CFAP74: variants seen among roughly 807,000 people sequenced by gnomAD.
CFAP74 encodes the protein cilia- and flagella-associated protein 74.
CFAP74 carries 124 observed loss-of-function variants against 188.9 expected under a neutral mutation model. The ratio of observed to expected loss-of-function variants is 0.66; its 90% confidence interval spans 0.57 to 0.76. The LOEUF (loss-of-function observed/expected upper bound fraction) is 0.76. CFAP74 is among the 30% of genes least tolerant of loss of function. The pLI, the probability that CFAP74 is intolerant of heterozygous loss-of-function variation, is 0.00. For missense variants in CFAP74, 2,198 were observed against 2,165.2 expected, an observed-to-expected ratio of 1.02 and a Z score of -0.30; for synonymous variants, 956 against 916.7, an observed-to-expected ratio of 1.04 and a Z score of -0.77.
At chr1:1,986,404 T>TC (rs1349500514) in intron 5 of CFAP74, among the ~76,000 whole-genome samples, 2 of 151,974 alleles carry the variant, frequency 1.3e-5, no homozygotes, top group African/African-American at 4.8e-5. Flanking sequence ...GGCCCTCTGC[T>TC]CCCCATGGCT....
Position 1,960,710 on chromosome 1 carries a change from G to A in CFAP74, c.1695-680C>T, listed in dbSNP as rs148251817. On this transcript the variant is annotated intron_variant, in intron 14 of 38. Transcript: ENST00000682832. ...TGTCCCTGGCTGGCAACATTCCCAC[G>A]GCACCAGCAGAAGCAAACCCAAAGC... is the stretch of plus-strand genomic sequence containing the variant. Among the ~76,000 whole-genome samples, 105 of 152,312 alleles carry A rather than the reference G, an allele frequency of 6.9e-4. No individual in the cohort carries two copies. In the Middle Eastern group the frequency reaches 0.017, roughly 25 times the overall value.
chr1:1,988,842 AC>A (rs1657404867), intron 3 of CFAP74, 46 bp downstream of exon 3: 2 of 98,148 alleles, frequency 2.0e-5, no homozygotes, highest in East Asian at 3.4e-4. Flanking sequence ...CCCCACCCCC[AC>A]CCCCACCCCC....
chr1:1,922,867 A>G, intron 37 of CFAP74, 118 bp downstream of exon 37: 1 of 1,489,746 alleles, frequency 6.7e-7, no homozygotes, highest in Non-Finnish European at 8.9e-7. Flanking sequence ...GAAGTCCGAG[A>G]AAAGCCCGGC....
chr1:1,959,346 C>T lies in CFAP74; in HGVS notation c.1762-137G>A, dbSNP rs1654900585. 1.5e-5 allele frequency: 9 copies of T among 611,718 alleles called. No homozygotes were observed. In the East Asian group the frequency reaches 2.5e-4, roughly 17 times the overall value. The allele number at this position is 611,718 out of a possible 1,614,324, so 37.9% of individuals were successfully genotyped here. On this transcript the variant is annotated intron_variant, in intron 15 of 38. Transcript: ENST00000682832. ...TGCTCGATTCACTGCAACCCCCCTC[C>T]ACCCACCCCCACCTGGGGTCCAAGC...
At chr1:1,986,439 C>A (rs1657243216) in intron 5 of CFAP74, among the ~76,000 whole-genome samples, 1 of 152,166 alleles carries the variant, frequency 6.6e-6, no homozygotes, top group African/African-American at 2.4e-5. Context: ...AGGTCGGGCA[C>A]CCTGCTGGGG....
chr1:1,966,618 T>C, intron 11 of CFAP74, 92 bp from the exon 12 acceptor site: 1 of 1,228,834 alleles, frequency 8.1e-7, no homozygotes, highest in Non-Finnish European at 1.1e-6. Flanking sequence ...TATGGCCCGC[T>C]GCCTGCCCCC....
At chr1:1,924,167 C>T (rs1266239870) in intron 34 of CFAP74, among the ~76,000 whole-genome samples, 1 of 50,774 alleles carries the variant, frequency 2.0e-5, no homozygotes, top group African/African-American at 6.6e-5. Context: ...ACCGCCCACC[C>T]CCCACCTCAC....
chr1:1,966,598 C>T, intron 11 of CFAP74, 72 bp from the exon 12 acceptor site: 6 of 1,356,172 alleles, frequency 4.4e-6, no homozygotes, highest in Non-Finnish European at 5.8e-6. Context: ...CTCGGCCCAG[C>T]CCCCGCCGGT....
At chr1:1,948,412 A>ATATATATAT (rs1653930331) in intron 18 of CFAP74, among the ~76,000 whole-genome samples, 1 of 144,408 alleles carries the variant, frequency 6.9e-6, no homozygotes, top group African/African-American at 2.6e-5. Context: ...GGCATATATA[A>ATATATATAT]ATATATATAT....
chr1:1,979,009 CGT>C (rs1656628180), intron 6 of CFAP74, among the ~76,000 whole-genome samples: 1 of 141,790 alleles, frequency 7.1e-6, no homozygotes, highest in Non-Finnish European at 1.5e-5. Context: ...GCACAGAACA[CGT>C]GTGTCGTGCT....
chr1:1,987,831 C>T lies in CFAP74; in HGVS notation c.296+681G>A, dbSNP rs144099241. ...CTGGGATTACAGGTGTGAGCCACCG[C>T]GCCCGGCCATGACGGTCACTTGGAA... On this transcript the variant is annotated intron_variant, in intron 4 of 38. Transcript: ENST00000682832. 2.3e-4 allele frequency: 77 copies of T among 330,830 alleles called. 1 individual carries two copies. In the East Asian group the frequency reaches 6.0e-3, roughly 26 times the overall value. The allele number at this position is 330,830 out of a possible 1,614,324, so 20.5% of individuals were successfully genotyped here.
chr1:1,966,317 G>A lies in CFAP74; in HGVS notation c.1401+54C>T, dbSNP rs575732832. The A allele has an allele frequency of 2.5e-4, 353 of 1,418,310 alleles. 1 individual carries two copies. The African/African-American group carries it at 4.8e-3, about 19-fold the overall frequency. 87.9% of individuals were successfully genotyped at this position (1,418,310 alleles called of 1,614,324 possible). On this transcript the variant is annotated intron_variant, in intron 12 of 38. Coordinates refer to ENST00000682832, the MANE Select transcript of CFAP74 (RefSeq NM_001304360.2). ...GGCAGGCGTGGGAGGTGGCGAGCCGGCGACAGAGGGCCGGGGTCCGTCTGC... is the reference window on the plus strand; with the variant it reads ...GGCAGGCGTGGGAGGTGGCGAGCCGACGACAGAGGGCCGGGGTCCGTCTGC...
At chr1:1,941,916 G>T in intron 22 of CFAP74, 112 bp downstream of exon 22, 1 of 1,160,398 alleles carries the variant, frequency 8.6e-7, no homozygotes, top group Non-Finnish European at 1.1e-6. Context: ...ATCCCTGGAG[G>T]CTGATGATCC....
In CFAP74 at chr1:1,939,559, A is replaced by G. The variant is rs1220524379; in HGVS notation, c.2877+35T>C. The G allele has an allele frequency of 3.3e-6, 5 of 1,520,092 alleles. No homozygotes were observed. In the South Asian group the frequency reaches 6.0e-5, roughly 18 times the overall value. 94.2% of individuals were successfully genotyped at this position (1,520,092 alleles called of 1,614,324 possible). On this transcript the variant is annotated intron_variant, in intron 24 of 38. Coordinates refer to ENST00000682832, the MANE Select transcript of CFAP74 (RefSeq NM_001304360.2). Reference sequence around the variant, plus strand: ...CCTGTCCCCAGGACTTCCCAGCCTCACCCCTCTTACCCCAGGCCTGGCTGC... The same window carrying G: ...CCTGTCCCCAGGACTTCCCAGCCTCGCCCCTCTTACCCCAGGCCTGGCTGC...
intron 6 of CFAP74, among the ~76,000 whole-genome samples, chr1:1,976,566 T>A (rs7536087): frequency 6.6e-6 from 1 of 151,884 alleles, no homozygotes; most frequent in East Asian, 1.9e-4. Flanking sequence ...TCTTTTAAAA[T>A]GAGTCTTGCT....
At chr1:1,992,069 G>A (rs559565559) in intron 1 of CFAP74, among the ~76,000 whole-genome samples, 6 of 151,350 alleles carry the variant, frequency 4.0e-5, no homozygotes, top group Non-Finnish European at 8.8e-5. Flanking sequence ...AGATCAAAAC[G>A]CTGCCAACAG....
intron 18 of CFAP74, among the ~76,000 whole-genome samples, chr1:1,948,451 A>G (rs955177908): frequency 4.0e-5 from 6 of 150,582 alleles, no homozygotes; most frequent in African/African-American, 1.2e-4. Context: ...TGGTAGAGAC[A>G]TGGTCTTGTT....
chr1:1,932,687 G>A (rs1476829843), intron 25 of CFAP74, among the ~76,000 whole-genome samples: 3 of 150,826 alleles, frequency 2.0e-5, no homozygotes, highest in East Asian at 2.0e-4. Context: ...TCCGCCTCCC[G>A]GGTTCAATGA....
intron 18 of CFAP74, among the ~76,000 whole-genome samples, chr1:1,947,876 CT>C (rs984163729): frequency 1.1e-4 from 17 of 149,720 alleles, no homozygotes; most frequent in African/African-American, 3.4e-4. Flanking sequence ...GACCCCTGTT[CT>C]TTTTTTTTTC....
Sources: allele counts gnomAD v4.1 joint callset (sites outside exome capture counted in the v4.1 genomes callset), GRCh38; gene constraint gnomAD v4.1.1; transcripts MANE v1.5; gene names NCBI Gene and HGNC (gene_info 2026-07-23, HGNC 2026-07-21).